The following NDUFV3 variants were observed in gnomAD, a reference collection of about 807,000 sequenced individuals.
The protein encoded by NDUFV3 is NADH dehydrogenase [ubiquinone] flavoprotein 3, mitochondrial.
In NDUFV3, 44 loss-of-function variants were observed where a neutral mutation model predicts 37.5. That is an observed-to-expected ratio of 1.17 (90% CI 0.92 to 1.51). The LOEUF (loss-of-function observed/expected upper bound fraction) is 1.51. Among genes scored for constraint, NDUFV3 ranks in the 40% most tolerant of loss-of-function variants. The pLI is 0.00. For missense variants in NDUFV3, 580 were observed against 580.4 expected (o/e 1.00, Z 0.01); for synonymous variants, 235 against 239.3 (o/e 0.98, Z 0.17).
intron 3 of NDUFV3, among the ~76,000 whole-genome samples, chr21:42,905,906 C>T (rs1284821035): frequency 3.3e-5 from 5 of 150,174 alleles, no homozygotes; most frequent in African/African-American, 4.9e-5. Flanking sequence ...CTCTGTCACC[C>T]AGGCTGCAGT....
Position 42,903,416 on chromosome 21 carries a change from A to G in NDUFV3, c.404A>G (p.Gln135Arg). Residue 135 changes from glutamine to arginine, a missense_variant, in exon 3 of 4, where the codon CAG (glutamine) becomes CGG (arginine). By Grantham distance (43) the Gln-to-Arg change is conservative. Coordinates refer to ENST00000354250, the MANE Select transcript of NDUFV3 (RefSeq NM_021075.4). ...AAAGTTCTGTCTCCATTCAGAAAAC[A>G]GGGCTCTGATTCAGAAGCTCGTCAG... ...PQKVLSPFRK[Q>R]GSDSEARQVG... The G allele has an allele frequency of 6.2e-7, 1 of 1,614,242 alleles. No individual in the cohort carries two copies. Among genetic ancestry groups the G allele is most frequent in the Non-Finnish European group, 8.5e-7 (1 of 1,180,044 alleles).
At chr21:42,898,517 T>TGTA (rs2058704435) in intron 2 of NDUFV3, among the ~76,000 whole-genome samples, 1 of 152,328 alleles carries the variant, frequency 6.6e-6, no homozygotes, top group African/African-American at 2.4e-5. Flanking sequence ...TCACCCAGGC[T>TGTA]GTAGTACAGA....
chr21:42,902,710 T>C (rs1431477548), intron 2 of NDUFV3, among the ~76,000 whole-genome samples: 1 of 152,174 alleles, frequency 6.6e-6, no homozygotes, highest in Non-Finnish European at 1.5e-5. Context: ...ACAGCTAGTC[T>C]TAGGTCGGTA....
rs1023032448 is a variant in NDUFV3 at position 42,911,497 on chromosome 21, A to T, written c.*2476A>T. On this transcript the variant is annotated 3_prime_UTR_variant, in exon 4 of 4. Coordinates refer to ENST00000354250, the MANE Select transcript of NDUFV3 (RefSeq NM_021075.4). ...AGACAGCCTCACTCTTGCCCGGAGG[A>T]GTGGTGCGATCTCAGCTCACTGCAG... 2.0e-4 allele frequency: 22 copies of T among 108,108 alleles called. No individual in the cohort carries two copies. The highest frequency in any genetic ancestry group is 8.1e-4 in the African/African-American group (22 of 27,204). The allele number at this position is 108,108 out of a possible 1,614,324, so 6.7% of individuals were successfully genotyped here.
intron 1 of NDUFV3, among the ~76,000 whole-genome samples, chr21:42,894,783 A>C (rs2058683623): frequency 6.6e-6 from 1 of 151,502 alleles, no homozygotes; most frequent in Non-Finnish European, 1.5e-5. Flanking sequence ...TTATATGTTC[A>C]CATAAGCACA....
At chr21:42,898,211 G>A (rs911098326) in intron 2 of NDUFV3, among the ~76,000 whole-genome samples, 1 of 152,114 alleles carries the variant, frequency 6.6e-6, no homozygotes, top group Admixed American at 6.6e-5. Flanking sequence ...TGGATTCCAC[G>A]GGAATGTTAT....
intron 2 of NDUFV3, among the ~76,000 whole-genome samples, chr21:42,897,720 C>CA (rs1568856432): frequency 1.3e-5 from 2 of 151,160 alleles, no homozygotes; most frequent in African/African-American, 2.4e-5. Context: ...TCTGTTGCCC[C>CA]TGCTGGAGTG....
At chr21:42,897,890 A>C (rs1267686265) in intron 2 of NDUFV3, among the ~76,000 whole-genome samples, 2 of 151,526 alleles carry the variant, frequency 1.3e-5, no homozygotes, top group South Asian at 2.1e-4. Context: ...GTTAGCCGGG[A>C]TGGTCTTGAT....
chr21:42,903,150 T>G lies in NDUFV3; in HGVS notation c.170-32T>G, dbSNP rs753954158. Reference sequence around the variant, plus strand: ...TTGACTGAGTTTTAAGTTGTTTTGTTAAATAACATTCCTCTTTATGCCGTT... The same window carrying G: ...TTGACTGAGTTTTAAGTTGTTTTGTGAAATAACATTCCTCTTTATGCCGTT... On this transcript the variant is annotated intron_variant, in intron 2 of 3. Transcript: ENST00000354250. 9.3e-6 allele frequency: 15 copies of G among 1,613,808 alleles called. No homozygotes were observed. The Admixed American group carries it at 1.2e-4, about 13-fold the overall frequency.
At chr21:42,900,789 G>T (rs533250738) in intron 2 of NDUFV3, among the ~76,000 whole-genome samples, 1 of 152,180 alleles carries the variant, frequency 6.6e-6, no homozygotes, top group Non-Finnish European at 1.5e-5. Context: ...ACCCTGGCGC[G>T]ATGGGACATG....
chr21:42,907,698 G>A (rs1205117016), intron 3 of NDUFV3, among the ~76,000 whole-genome samples: 2 of 151,914 alleles, frequency 1.3e-5, no homozygotes, highest in African/African-American at 2.4e-5. Flanking sequence ...CAATCTGCCC[G>A]CCTCAGCCTC....
chr21:42,904,298 C>T (rs764684031), intron 3 of NDUFV3, 22 bp downstream of exon 3: 5 of 1,569,952 alleles, frequency 3.2e-6, no homozygotes, highest in African/African-American at 2.7e-5. Flanking sequence ...CTCGCGCTCC[C>T]AAGTGCACCC....
rs1281638171 is a variant in NDUFV3, at chr21:42,904,228, G to C, written c.1216G>C (p.Ala406Pro). ...AALKLEAEGE[A>P]MEDAAAPGDD... ...GCTGAAGCTTGAGGCCGAGGGCGAG[G>C]CCATGGAAGATGCAGCCGCGCCAGG... is the stretch of plus-strand genomic sequence containing the variant. The change falls in exon 3 of 4, where the codon GCC becomes CCC. Residue 406 changes from alanine to proline, a missense_variant. By Grantham distance (27) the Ala-to-Pro change is conservative. Coordinates refer to ENST00000354250, the MANE Select transcript of NDUFV3 (RefSeq NM_021075.4). The C allele has an allele frequency of 6.2e-7, 1 of 1,612,928 alleles. No homozygotes were observed. The highest frequency in any genetic ancestry group is 8.5e-7 in the Non-Finnish European group (1 of 1,179,472).
At position 42,894,352 on chromosome 21, in the gene NDUFV3, A is replaced by ATTT. The variant is rs1198202353; in HGVS notation, c.48+971_48+972insTTT. Among the ~76,000 whole-genome samples the ATTT allele has an allele frequency of 7.7e-5, 3 of 38,914 alleles. 1 individual carries two copies. In the African/African-American group the frequency reaches 1.8e-3, roughly 23 times the overall value. 25.5% of individuals were successfully genotyped at this position (38,914 alleles called of 152,430 possible). A position where few individuals can be genotyped will look rare whatever the true frequency, so the allele number is the denominator to read the frequency against. On this transcript the variant is annotated intron_variant, in intron 1 of 3. Coordinates refer to ENST00000354250, the MANE Select transcript of NDUFV3 (RefSeq NM_021075.4). The stretch of plus-strand genomic sequence containing the variant: ...ATACATATTATATATATTATATATA[A>ATTT]ATATATATTATATATATATTTATAT...
chr21:42,906,941 A>G, intron 3 of NDUFV3: 2 of 503,432 alleles, frequency 4.0e-6, no homozygotes, highest in Non-Finnish European at 7.8e-6. Flanking sequence ...TTAAAAATGA[A>G]AAACAGAGCT....
chr21:42,903,418 G>T lies in NDUFV3; in HGVS notation c.406G>T (p.Gly136Cys). Residue 136 changes from glycine to cysteine, a missense_variant, in exon 3 of 4, where the codon GGC becomes TGC. Gly to Cys is a radical substitution (Grantham distance 159). Coordinates refer to ENST00000354250, the MANE Select transcript of NDUFV3 (RefSeq NM_021075.4). ...QKVLSPFRKQGSDSEARQVGR... is the reference protein window; with the variant it reads ...QKVLSPFRKQCSDSEARQVGR... Reference sequence around the variant, plus strand: ...AGTTCTGTCTCCATTCAGAAAACAGGGCTCTGATTCAGAAGCTCGTCAGGT... The same window carrying T: ...AGTTCTGTCTCCATTCAGAAAACAGTGCTCTGATTCAGAAGCTCGTCAGGT... The T allele has an allele frequency of 6.2e-7, 1 of 1,614,192 alleles. No homozygotes were observed. The highest frequency in any genetic ancestry group is 8.5e-7 in the Non-Finnish European group (1 of 1,180,036).
At chr21:42,894,466 ATATATAT>A (rs1238811861) in intron 1 of NDUFV3, among the ~76,000 whole-genome samples, 1 of 67,370 alleles carries the variant, frequency 1.5e-5, no homozygotes, top group African/African-American at 7.8e-5. Flanking sequence ...GTTTATATAA[ATATATAT>A]TATATATTTA....
At chr21:42,899,286 T>TTTTTTTTTTTTTTA (rs1370334671) in intron 2 of NDUFV3, among the ~76,000 whole-genome samples, 1 of 140,866 alleles carries the variant, frequency 7.1e-6, no homozygotes, top group African/African-American at 3.1e-5. Flanking sequence ...TGTTTTTTTT[T>TTTTTTTTTTTTTTA]GAGACAGAGT....
In NDUFV3 at chr21:42,903,700, A is replaced by G. The variant is rs149002912; in HGVS notation, c.688A>G (p.Lys230Glu). 6.2e-7 allele frequency: 1 copy of G among 1,614,054 alleles called. No individual in the cohort carries two copies. Among genetic ancestry groups the G allele is most frequent in the Non-Finnish European group, 8.5e-7 (1 of 1,180,038 alleles). The change falls in exon 3 of 4, where the codon AAA becomes GAA. Residue 230 changes from lysine (K) to glutamate (E), a missense_variant. Lys to Glu is a moderately conservative substitution (Grantham distance 56). Transcript: ENST00000354250. ...DPEKPHQPKK[K>E]GSPAKPSEGR... The stretch of plus-strand genomic sequence containing the variant: ...AGAGAAGCCCCACCAGCCAAAGAAG[A>G]AAGGGTCCCCTGCTAAGCCATCAGA...
Sources: allele counts gnomAD v4.1 joint callset (sites outside exome capture counted in the v4.1 genomes callset), GRCh38; gene constraint gnomAD v4.1.1; transcripts MANE v1.5; gene names NCBI Gene and HGNC (gene_info 2026-07-23, HGNC 2026-07-21).